The following VAT1L variants were observed in gnomAD, a reference collection of about 807,000 sequenced individuals.
The protein encoded by VAT1L is putative NADPH-dependent quinone oxidoreductase VAT1L.
VAT1L carries 34 observed loss-of-function variants against 44.1 expected under a neutral mutation model. The observed-to-expected ratio is 0.77, with a 90% confidence interval of 0.59 to 1.03. The LOEUF (loss-of-function observed/expected upper bound fraction) is 1.03, where lower values mean the gene tolerates loss of function less well. Ranked by LOEUF, VAT1L falls within the 50% of genes least tolerant of loss-of-function variation. VAT1L has a pLI of 0.00. For missense variants in VAT1L, 615 were observed against 538.8 expected (o/e 1.14, Z -1.40); for synonymous variants, 253 against 202.2 (o/e 1.25, Z -2.13).
intron 7 of VAT1L, among the ~76,000 whole-genome samples, chr16:77,921,698 G>A (rs1042021175): frequency 9.2e-5 from 14 of 152,100 alleles, no homozygotes; most frequent in African/African-American, 3.4e-4. Context: ...CTTGTACTAA[G>A]TCACCTCAAA....
At chr16:77,901,357 G>C in intron 7 of VAT1L, among the ~76,000 whole-genome samples, 1 of 151,746 alleles carries the variant, frequency 6.6e-6, no homozygotes, top group East Asian at 1.9e-4. Context: ...GTAGAGATGG[G>C]GTTTCACCGT....
rs2018371962 is a variant in VAT1L at position 77,979,079 on chromosome 16, G to C, written c.*1384G>C. ...AGTTTCTCCACCAACAAGCCTTAGGGTGGACCCAACCCTTTCCGCAAGTGG... is the reference window on the plus strand; with the variant it reads ...AGTTTCTCCACCAACAAGCCTTAGGCTGGACCCAACCCTTTCCGCAAGTGG... On this transcript the variant is annotated 3_prime_UTR_variant, in exon 9 of 9. Transcript: ENST00000302536. 6.6e-6 allele frequency: 1 copy of C among 152,496 alleles called. No individual in the cohort carries two copies. Among genetic ancestry groups the C allele is most frequent in the African/African-American group, 2.4e-5 (1 of 41,456 alleles). The allele number at this position is 152,496 out of a possible 1,614,324, so 9.4% of individuals were successfully genotyped here.
At chr16:77,858,745 G>A (rs2016885807) in intron 3 of VAT1L, among the ~76,000 whole-genome samples, 1 of 152,266 alleles carries the variant, frequency 6.6e-6, no homozygotes, top group Non-Finnish European at 1.5e-5. Context: ...GCTCATGCCT[G>A]TAATCCTAGT....
At chr16:77,823,857 C>T (rs2016487967) in intron 2 of VAT1L, among the ~76,000 whole-genome samples, 1 of 151,956 alleles carries the variant, frequency 6.6e-6, no homozygotes, top group Non-Finnish European at 1.5e-5. Context: ...CTAATAAATA[C>T]AAAAATAAAT....
intron 7 of VAT1L, among the ~76,000 whole-genome samples, chr16:77,950,030 C>G (rs751303723): frequency 6.6e-6 from 1 of 152,196 alleles, no homozygotes; most frequent in African/African-American, 2.4e-5. Context: ...CTGTGGTGAT[C>G]AAAGTGAGCT....
intron 3 of VAT1L, among the ~76,000 whole-genome samples, chr16:77,826,969 A>T (rs2016529889): frequency 6.6e-6 from 1 of 152,210 alleles, no homozygotes; most frequent in Admixed American, 6.5e-5. Flanking sequence ...GGCTTTCTGT[A>T]ACTATTAAAA....
Position 77,825,240 on chromosome 16 carries a change from G to A in VAT1L, c.364-6G>A. The A allele has an allele frequency of 6.2e-7, 1 of 1,613,884 alleles. No homozygotes were observed. On this transcript the variant is annotated splice_polypyrimidine_tract_variant and splice_region_variant and intron_variant, in intron 2 of 8. Coordinates refer to ENST00000302536, the MANE Select transcript of VAT1L (RefSeq NM_020927.3). ...CTCCACTAACTCTGTGTTTCCCCATGCCCAGATTGGAGACCGTGTCATGGC... is the reference window on the plus strand; with the variant it reads ...CTCCACTAACTCTGTGTTTCCCCATACCCAGATTGGAGACCGTGTCATGGC...
chr16:77,931,898 C>T (rs1210805518), intron 7 of VAT1L, among the ~76,000 whole-genome samples: 1 of 152,078 alleles, frequency 6.6e-6, no homozygotes, highest in Admixed American at 6.5e-5. Flanking sequence ...TATAGGAAAA[C>T]TTTGATGTAC....
At chr16:77,972,761 A>G (rs1020339953) in intron 8 of VAT1L, among the ~76,000 whole-genome samples, 8 of 151,858 alleles carry the variant, frequency 5.3e-5, no homozygotes, top group Non-Finnish European at 1.0e-4. Context: ...AGCCTGGGGG[A>G]CTAGAATGAG....
intron 8 of VAT1L, among the ~76,000 whole-genome samples, chr16:77,972,588 C>G (rs1016753273): frequency 1.3e-5 from 2 of 151,884 alleles, no homozygotes; most frequent in Non-Finnish European, 2.9e-5. Context: ...TGAGACCAGC[C>G]TGGCCAAGAT....
intron 7 of VAT1L, among the ~76,000 whole-genome samples, chr16:77,935,564 CGGGGAAGGGAGAAAA>C (rs1255472448): frequency 1.4e-5 from 2 of 142,228 alleles, no homozygotes; most frequent in African/African-American, 5.3e-5. Context: ...GGGGCGGTGG[CGGGGAAGGGAGAAAA>C]GGAGAAGAAA....
At chr16:77,946,629 A>C (rs116796016) in intron 7 of VAT1L, among the ~76,000 whole-genome samples, 4 of 152,332 alleles carry the variant, frequency 2.6e-5, no homozygotes, top group African/African-American at 7.2e-5. Context: ...ATTTTATTTA[A>C]AAAGTATTTA....
At chr16:77,821,631 G>T (rs2145242617) in intron 2 of VAT1L, among the ~76,000 whole-genome samples, 1 of 152,180 alleles carries the variant, frequency 6.6e-6, no homozygotes, top group Non-Finnish European at 1.5e-5. Flanking sequence ...GTGTGGTCTT[G>T]GGCAAGTTAT....
intron 1 of VAT1L, among the ~76,000 whole-genome samples, chr16:77,790,390 C>G (rs1213235764): frequency 6.6e-6 from 1 of 152,096 alleles, no homozygotes; most frequent in African/African-American, 2.4e-5. Context: ...GCAGCTAAAT[C>G]CCCAAAGACC....
intron 1 of VAT1L, among the ~76,000 whole-genome samples, chr16:77,791,300 G>A (rs1443145420): frequency 3.3e-5 from 5 of 152,050 alleles, no homozygotes; most frequent in Non-Finnish European, 7.3e-5. Flanking sequence ...AAACCTTTTT[G>A]TCATAATAGG....
intron 1 of VAT1L, chr16:77,800,386 A>T (rs1239166296): frequency 6.6e-6 from 1 of 152,208 alleles, no homozygotes; most frequent in East Asian, 1.9e-4. Flanking sequence ...ACATGGGATT[A>T]TCAGGTATAC....
In VAT1L at chr16:77,953,504, A is replaced by G. The variant is rs558973921; in HGVS notation, c.1078-18346A>G. ...CAGTTTTATTTCTGGACTTTTTTTCATTTGACAGAACACCTATTTACATTT... is the reference window on the plus strand; with the variant it reads ...CAGTTTTATTTCTGGACTTTTTTTCGTTTGACAGAACACCTATTTACATTT... On this transcript the variant is annotated intron_variant, in intron 7 of 8. Coordinates refer to ENST00000302536, the MANE Select transcript of VAT1L (RefSeq NM_020927.3). 3.9e-5 allele frequency among the ~76,000 whole-genome samples: 6 copies of G among 152,148 alleles called. No homozygotes were observed. The East Asian group carries it at 1.2e-3, about 29-fold the overall frequency.
chr16:77,937,609 G>A (rs2017818508), intron 7 of VAT1L, among the ~76,000 whole-genome samples: 1 of 152,224 alleles, frequency 6.6e-6, no homozygotes, highest in Non-Finnish European at 1.5e-5. Flanking sequence ...AAGGGAGCTG[G>A]AACTTAAAGT....
chr16:77,807,402 G>A (rs2016180464), intron 1 of VAT1L, among the ~76,000 whole-genome samples: 1 of 152,170 alleles, frequency 6.6e-6, no homozygotes, highest in African/African-American at 2.4e-5. Context: ...CTGACTGGTT[G>A]ATGCAGGGGT....
Sources: gnomAD v4.1 joint callset for allele counts (sites outside exome capture counted in the v4.1 genomes callset) on GRCh38, gnomAD v4.1.1 for gene constraint, MANE v1.5 for transcripts, NCBI Gene and HGNC (gene_info 2026-07-23, HGNC 2026-07-21) for gene names.